The following MYO1F variants were observed in gnomAD, a reference collection of about 807,000 sequenced individuals.
MYO1F encodes the protein unconventional myosin-If.
In MYO1F, 60 loss-of-function variants were observed where a neutral mutation model predicts 146.6. The ratio of observed to expected loss-of-function variants is 0.41; its 90% confidence interval spans 0.33 to 0.51. The LOEUF is 0.51. Among genes scored for constraint, MYO1F ranks in the 20% least tolerant of loss-of-function variants. The pLI is 0.25. For synonymous variants in MYO1F, 602 were observed against 602.1 expected, an observed-to-expected ratio of 1.00 and a Z score of 0.00; for missense variants, 1,274 against 1,534.3, an observed-to-expected ratio of 0.83 and a Z score of 2.83.
intron 1 of MYO1F, among the ~76,000 whole-genome samples, chr19:8,564,651 G>A (rs1186212551): frequency 6.6e-6 from 1 of 151,722 alleles, no homozygotes; most frequent in African/African-American, 2.4e-5. Flanking sequence ...GGGGCCCCAG[G>A]GTCAGAAGCA....
intron 19 of MYO1F, among the ~76,000 whole-genome samples, chr19:8,531,775 T>C (rs1972497345): frequency 6.6e-6 from 1 of 152,078 alleles, no homozygotes; most frequent in South Asian, 2.1e-4. Context: ...TCAGAGATGG[T>C]AGAAATAGGA....
chr19:8,558,685 C>A (rs1973955292), intron 1 of MYO1F, among the ~76,000 whole-genome samples: 1 of 152,090 alleles, frequency 6.6e-6, no homozygotes, highest in Non-Finnish European at 1.5e-5. Context: ...CTTGGAGCTA[C>A]CCCATTTGGT....
chr19:8,527,239 CCAGGTA>C, intron 22 of MYO1F, 93 bp downstream of exon 22: 1 of 1,519,902 alleles, frequency 6.6e-7, no homozygotes, highest in Non-Finnish European at 9.0e-7. Flanking sequence ...AGGCATGGCA[CCAGGTA>C]AGATTGTCAG....
rs781073533 is a variant in MYO1F, at chr19:8,521,573, G to C, written c.3252C>G (p.His1084Gln). 1 of 1,614,160 alleles carries C rather than the reference G, an allele frequency of 6.2e-7. No homozygotes were observed. The highest frequency in any genetic ancestry group is 1.1e-5 in the South Asian group (1 of 91,084). ...DPSGWWKGRL[H>Q]GQEGLFPGNY... ...TTCCTGGGAAAAGGCCCTCCTGGCCGTGAAGCCGGCCCTTCCACCAGCCCG... is the reference window on the plus strand; with the variant it reads ...TTCCTGGGAAAAGGCCCTCCTGGCCCTGAAGCCGGCCCTTCCACCAGCCCG... The change falls in exon 28 of 28, where the codon CAC (histidine) becomes CAG (glutamine). Residue 1084 changes from histidine to glutamine, a missense_variant. Physicochemically the swap from His to Gln is conservative, Grantham distance 24. Around this residue, in one of 2 missense-constraint regions of MYO1F, gnomAD observed 374 missense variants for 379.2 expected, o/e 0.99. Transcript: ENST00000644032.
intron 24 of MYO1F, among the ~76,000 whole-genome samples, chr19:8,525,778 A>C (rs917461376): frequency 3.3e-5 from 5 of 151,336 alleles, no homozygotes; most frequent in African/African-American, 1.2e-4. Context: ...GGGCCCGCCC[A>C]CTTTAGGTCA....
intron 1 of MYO1F, among the ~76,000 whole-genome samples, chr19:8,572,674 G>T (rs540656874): frequency 1.3e-5 from 2 of 152,008 alleles, no homozygotes; most frequent in Non-Finnish European, 2.9e-5. Flanking sequence ...CCACTTCACT[G>T]GTCTCCCTGC....
rs758763614 is a variant in MYO1F at position 8,526,622 on chromosome 19, T to C, written c.2622-21A>G. 2.7e-5 allele frequency: 42 copies of C among 1,576,864 alleles called. 1 individual carries two copies. In the South Asian group the frequency reaches 4.3e-4, roughly 16 times the overall value. ...GTAGTCTATGGGGAGAGAAGAAAGC[T>C]TGGGGGCGCTGGCTGAGGTCCCCCG... On this transcript the variant is annotated intron_variant, in intron 23 of 27. Coordinates refer to ENST00000644032, the MANE Select transcript of MYO1F (RefSeq NM_012335.4).
intron 4 of MYO1F, 143 bp downstream of exon 4, chr19:8,554,334 A>C: frequency 1.3e-6 from 1 of 783,610 alleles, no homozygotes; most frequent in Non-Finnish European, 2.3e-6. Context: ...GATGGTGACA[A>C]GGAAAATAAA....
At position 8,536,985 on chromosome 19, in the gene MYO1F, T is replaced by C. The variant is rs777585517; in HGVS notation, c.1763A>G (p.Asn588Ser). The C allele has an allele frequency of 1.2e-6, 2 of 1,612,388 alleles. No individual in the cohort carries two copies. Among genetic ancestry groups the C allele is most frequent in the South Asian group, 1.1e-5 (1 of 91,026 alleles). The change falls in exon 17 of 28, where the codon AAC becomes AGC. Residue 588 changes from asparagine (N) to serine (S), a missense_variant. Physicochemically the swap from Asn to Ser is conservative, Grantham distance 46 (BLOSUM62 1). This residue lies in a region of MYO1F where 900 missense variants were observed against 1,155.1 expected (regional missense o/e 0.78). Coordinates refer to ENST00000644032, the MANE Select transcript of MYO1F (RefSeq NM_012335.4). The stretch of plus-strand genomic sequence containing the variant: ...CCAGTCTCGGGGCCTCTTGGTCTCG[T>C]TGGGTTTGATGCAGCGGATGTAGTG... Reference protein sequence around the residue: ...TPHYIRCIKPNETKRPRDWEE... With the variant: ...TPHYIRCIKPSETKRPRDWEE...
chr19:8,522,263 C>A, intron 27 of MYO1F, 114 bp downstream of exon 27: 1 of 1,324,090 alleles, frequency 7.6e-7, no homozygotes, highest in South Asian at 1.2e-5. Flanking sequence ...ACCTCGTGAT[C>A]TGCCCGCCTT....
At chr19:8,526,426 CT>C in intron 24 of MYO1F, 26 bp downstream of exon 24, 1 of 1,550,068 alleles carries the variant, frequency 6.5e-7, no homozygotes, top group African/African-American at 1.4e-5. Flanking sequence ...GCCCCGCCCC[CT>C]CTGCCCTAGT....
Position 8,522,396 on chromosome 19 carries a change from G to A in MYO1F, c.3201C>T (p.Val1067=), listed in dbSNP as rs752433479. 6.2e-7 allele frequency: 1 copy of A among 1,614,092 alleles called. No individual in the cohort carries two copies. Among genetic ancestry groups the A allele is most frequent in the South Asian group, 1.1e-5 (1 of 91,074 alleles). The change falls in exon 27 of 28, where the codon GTC becomes GTT. Residue 1067 remains valine (V), a synonymous_variant. Transcript: ENST00000644032. The part of the protein sequence containing the change: ...VDELSFNVNE[V]IEILMEDPSG... ...ACACACCTTCCATGAGGATCTCAAT[G>A]ACCTCGTTCACGTTGAAGCTCAGCT...
Position 8,530,622 on chromosome 19 carries a change from G to A in MYO1F, c.2044-49C>T. On this transcript the variant is annotated intron_variant, in intron 19 of 27. Transcript: ENST00000644032. The surrounding 1 kb of genome is among the most constrained non-coding windows in gnomAD (Gnocchi z 5.8). ...AGGGTGAGTCCTGGTGTCTCCCCAG[G>A]GGCTGCAGTTCCGGGTTTTCCCTGC... 6.9e-7 allele frequency: 1 copy of A among 1,452,554 alleles called. No homozygotes were observed. The highest frequency in any genetic ancestry group is 9.6e-7 in the Non-Finnish European group (1 of 1,043,778). The allele number at this position is 1,452,554 out of a possible 1,614,324, so 90.0% of individuals were successfully genotyped here.
At chr19:8,546,252 T>A (rs1177849798) in intron 12 of MYO1F, among the ~76,000 whole-genome samples, 2 of 151,506 alleles carry the variant, frequency 1.3e-5, no homozygotes, top group Non-Finnish European at 2.9e-5. Context: ...TTAGTAGAGA[T>A]GGGGTTTCTC....
intron 21 of MYO1F, among the ~76,000 whole-genome samples, chr19:8,529,035 G>C (rs998803068): frequency 3.3e-5 from 5 of 152,134 alleles, no homozygotes; most frequent in Non-Finnish European, 7.3e-5. Flanking sequence ...ACACAGACCT[G>C]TCCAAAGCAG....
intron 1 of MYO1F, among the ~76,000 whole-genome samples, chr19:8,556,500 AAGAAAG>A (rs1338275499): frequency 8.4e-6 from 1 of 118,768 alleles, no homozygotes; most frequent in Non-Finnish European, 2.0e-5. Flanking sequence ...GAAAGAAAGA[AAGAAAG>A]AGAAAGAAAG....
chr19:8,539,811 G>A lies in MYO1F; in HGVS notation c.1692+136C>T, dbSNP rs564620289. On this transcript the variant is annotated intron_variant, in intron 16 of 27. Transcript: ENST00000644032. ...AGGAAGACCCTGCTGAACAGATGAC[G>A]TCACAGTCAGAGGCAGAAGCCCCAG... The A allele has an allele frequency of 5.3e-5, 40 of 748,018 alleles. 2 individuals are homozygous for A. In the South Asian group the frequency reaches 5.7e-4, roughly 11 times the overall value. 46.3% of individuals were successfully genotyped at this position (748,018 alleles called of 1,614,324 possible). A position where few individuals can be genotyped will look rare whatever the true frequency, so the allele number is the denominator to read the frequency against.
chr19:8,558,029 C>T (rs966815291), intron 1 of MYO1F, among the ~76,000 whole-genome samples: 3 of 152,186 alleles, frequency 2.0e-5, no homozygotes, highest in African/African-American at 7.2e-5. Context: ...CTACCCTCTA[C>T]TCCCAGCCCT....
chr19:8,553,210 GGAT>G lies in MYO1F; in HGVS notation c.430_432del (p.Ile144del). The stretch of plus-strand genomic sequence containing the variant: ...GCCTCGAGCAGCGGGTTGGACTGCA[GGAT>G]GATATCTTTGACGTGCTGGGGCAGA... On this transcript the variant is annotated inframe_deletion, in exon 6 of 28. Transcript: ENST00000644032. 1.2e-6 allele frequency: 2 copies of G among 1,614,214 alleles called. No homozygotes were observed. The highest frequency in any genetic ancestry group is 1.7e-6 in the Non-Finnish European group (2 of 1,180,046).
Sources: allele counts gnomAD v4.1 joint callset (sites outside exome capture counted in the v4.1 genomes callset), GRCh38; gene constraint gnomAD v4.1.1; regional missense constraint gnomAD v4.1.1; non-coding constraint Gnocchi (gnomAD v3.1); transcripts MANE v1.5; gene names NCBI Gene and HGNC (gene_info 2026-07-23, HGNC 2026-07-21).